The following XKR6 variants were observed in gnomAD, a reference collection of about 807,000 sequenced individuals.
The protein encoded by XKR6 is XK-related protein 6.
XKR6 carries 22 observed loss-of-function variants against 56.7 expected under a neutral mutation model. The observed-to-expected ratio is 0.39, with a 90% CI of 0.28 to 0.55. The LOEUF (loss-of-function observed/expected upper bound fraction) is 0.55, where lower values mean the gene tolerates loss of function less well. Among genes scored for constraint, XKR6 ranks in the 20% least tolerant of loss-of-function variants. The pLI, the probability that XKR6 is intolerant of heterozygous loss-of-function variation, is 0.66. For missense variants in XKR6, 852 were observed against 889.0 expected, an observed-to-expected ratio of 0.96 and a Z score of 0.53; for synonymous variants, 524 against 387.8, an observed-to-expected ratio of 1.35 and a Z score of -4.13.
intron 1 of XKR6, among the ~76,000 whole-genome samples, chr8:11,010,941 G>A (rs1381138949): frequency 1.3e-5 from 2 of 152,184 alleles, no homozygotes; most frequent in Admixed American, 6.5e-5. Flanking sequence ...TGTCAACTGT[G>A]CCCAGGGCCA....
At chr8:11,068,342 G>A (rs1425510900) in intron 1 of XKR6, among the ~76,000 whole-genome samples, 1 of 152,104 alleles carries the variant, frequency 6.6e-6, no homozygotes, top group Non-Finnish European at 1.5e-5. Context: ...GTGGGGGGCT[G>A]GGCAGGCTGA....
chr8:10,959,475 G>A (rs991889770), intron 1 of XKR6, among the ~76,000 whole-genome samples: 2 of 152,228 alleles, frequency 1.3e-5, no homozygotes, highest in African/African-American at 4.8e-5. Context: ...AGTCTGGGAA[G>A]TCTGAGATGA....
intron 1 of XKR6, among the ~76,000 whole-genome samples, chr8:11,101,378 G>A (rs368520800): frequency 6.6e-6 from 1 of 152,294 alleles, no homozygotes. Flanking sequence ...ACACGGCTGA[G>A]AACAAAGGAA....
intron 1 of XKR6, among the ~76,000 whole-genome samples, chr8:11,073,287 C>T (rs553152871): frequency 1.3e-5 from 2 of 152,074 alleles, no homozygotes; most frequent in South Asian, 2.1e-4. Context: ...CTCTGGAGAC[C>T]GCACTTAAGC....
intron 1 of XKR6, among the ~76,000 whole-genome samples, chr8:11,142,788 T>G (rs936449073): frequency 6.6e-6 from 1 of 152,204 alleles, no homozygotes; most frequent in South Asian, 2.1e-4. Context: ...TATTTCTTTA[T>G]AGCAACACAA....
chr8:10,902,778 G>T (rs1279254884), intron 2 of XKR6, among the ~76,000 whole-genome samples: 3 of 152,220 alleles, frequency 2.0e-5, no homozygotes, highest in Non-Finnish European at 4.4e-5. Context: ...GGGTGTACAG[G>T]CCTCGTGCCC....
intron 1 of XKR6, among the ~76,000 whole-genome samples, chr8:11,050,441 C>T (rs1358464765): frequency 6.6e-6 from 1 of 151,894 alleles, no homozygotes; most frequent in Non-Finnish European, 1.5e-5. Flanking sequence ...CAGTCTACAA[C>T]TCTATGAAGA....
intron 1 of XKR6, among the ~76,000 whole-genome samples, chr8:11,099,790 G>T (rs1236676455): frequency 1.3e-5 from 2 of 152,194 alleles, no homozygotes; most frequent in Non-Finnish European, 2.9e-5. Context: ...AAACTATAAT[G>T]TGAGGTCATG....
chr8:11,150,290 C>A (rs1801211188), intron 1 of XKR6, among the ~76,000 whole-genome samples: 1 of 150,602 alleles, frequency 6.6e-6, no homozygotes, highest in Admixed American at 6.7e-5. Flanking sequence ...CCCCAAATAA[C>A]CCAACTAGAT....
chr8:10,953,345 T>A (rs1801785233), intron 1 of XKR6, among the ~76,000 whole-genome samples: 1 of 152,116 alleles, frequency 6.6e-6, no homozygotes, highest in Non-Finnish European at 1.5e-5. Context: ...GTGTGGCACC[T>A]TCTTTCTCTT....
rs191229800 is a variant in XKR6 at position 11,180,165 on chromosome 8, A to G, written c.764+20411T>C. Among the ~76,000 whole-genome samples the G allele has an allele frequency of 2.8e-4, 42 of 152,248 alleles. 1 individual carries two copies. In the East Asian group the frequency reaches 8.1e-3, roughly 29 times the overall value. On this transcript the variant is annotated intron_variant, in intron 1 of 2. Coordinates refer to ENST00000416569, the MANE Select transcript of XKR6 (RefSeq NM_173683.4). ...AAAAAAAATTAAAAATAAAAATAAT[A>G]AAAGGTATTAAGTAACAAAAGTGCT...
intron 1 of XKR6, among the ~76,000 whole-genome samples, chr8:11,101,320 T>C (rs146155885): frequency 2.0e-5 from 3 of 152,198 alleles, no homozygotes; most frequent in Non-Finnish European, 4.4e-5. Context: ...GTTATATTCA[T>C]GCAGAGCGGC....
intron 1 of XKR6, among the ~76,000 whole-genome samples, chr8:11,040,195 A>T (rs560840537): frequency 1.4e-4 from 22 of 152,122 alleles, no homozygotes; most frequent in African/African-American, 5.3e-4. Flanking sequence ...CTCCTGCAGG[A>T]ACAGGACCCT....
chr8:11,065,672 C>T (rs1799958799), intron 1 of XKR6, among the ~76,000 whole-genome samples: 1 of 152,020 alleles, frequency 6.6e-6, no homozygotes, highest in African/African-American at 2.4e-5. Flanking sequence ...TTACTCCTTC[C>T]TCTCATTCCA....
intron 1 of XKR6, among the ~76,000 whole-genome samples, chr8:11,091,960 A>T (rs1586533189): frequency 6.6e-6 from 1 of 152,166 alleles, no homozygotes; most frequent in African/African-American, 2.4e-5. Flanking sequence ...GATCCACCAC[A>T]ATCTCTTATG....
chr8:10,904,064 G>A (rs1262102206), intron 2 of XKR6, among the ~76,000 whole-genome samples: 3 of 152,154 alleles, frequency 2.0e-5, no homozygotes, highest in East Asian at 3.9e-4. Flanking sequence ...CAGCCTCCAC[G>A]GTTCCCTTCC....
intron 1 of XKR6, among the ~76,000 whole-genome samples, chr8:11,058,804 G>A (rs1360648803): frequency 1.3e-5 from 2 of 152,154 alleles, no homozygotes; most frequent in African/African-American, 4.8e-5. Context: ...GTATACCTAT[G>A]TAACAAACCT....
intron 1 of XKR6, among the ~76,000 whole-genome samples, chr8:11,195,622 C>T (rs1228101077): frequency 6.6e-6 from 1 of 151,718 alleles, no homozygotes; most frequent in Non-Finnish European, 1.5e-5. Flanking sequence ...TTTTACTCAA[C>T]TTTCCCCTCA....
At position 11,056,820 on chromosome 8, in the gene XKR6, C is replaced by A. The variant is rs192138599; in HGVS notation, c.765-131990G>T. On this transcript the variant is annotated intron_variant, in intron 1 of 2. Coordinates refer to ENST00000416569, the MANE Select transcript of XKR6 (RefSeq NM_173683.4). The stretch of plus-strand genomic sequence containing the variant: ...GGTGCATCTGCCTTCCTGCTCCTCC[C>A]GTCTGCTCAGGCTCCAGCCAGGGGA... Among the ~76,000 whole-genome samples, 14 of 152,318 alleles carry A rather than the reference C, an allele frequency of 9.2e-5. No homozygotes were observed. The East Asian group carries it at 2.7e-3, about 29-fold the overall frequency.
Sources: gnomAD v4.1 joint callset for allele counts (sites outside exome capture counted in the v4.1 genomes callset) on GRCh38, gnomAD v4.1.1 for gene constraint, MANE v1.5 for transcripts, NCBI Gene and HGNC (gene_info 2026-07-23, HGNC 2026-07-21) for gene names.